RNF11: variants seen among roughly 807,000 people sequenced by gnomAD.
RNF11 encodes ring finger protein 11.
RNF11 carries 4 observed loss-of-function variants against 15.8 expected under a neutral mutation model. That is an observed-to-expected ratio of 0.25 (90% confidence interval 0.12 to 0.58). RNF11 has a LOEUF of 0.58. RNF11 is among the 20% of genes least tolerant of loss of function. The pLI is 0.91. For synonymous variants in RNF11, 68 were observed against 72.3 expected, an observed-to-expected ratio of 0.94 and a Z score of 0.30; for missense variants, 139 against 194.4, an observed-to-expected ratio of 0.71 and a Z score of 1.70.
chr1:51,258,498 C>T (rs1275909124), intron 1 of RNF11, among the ~76,000 whole-genome samples: 1 of 152,060 alleles, frequency 6.6e-6, no homozygotes, highest in African/African-American at 2.4e-5. Flanking sequence ...GAATGAGATA[C>T]TGGAATTAAG....
chr1:51,254,091 G>A (rs533633211), intron 1 of RNF11, among the ~76,000 whole-genome samples: 31 of 152,294 alleles, frequency 2.0e-4, no homozygotes, highest in South Asian at 2.1e-4. Context: ...CCACAATAAA[G>A]CATACCTCTT....
chr1:51,236,989 G>T (rs1646806645), intron 1 of RNF11, 110 bp downstream of exon 1: 4 of 1,391,400 alleles, frequency 2.9e-6, no homozygotes, highest in East Asian at 2.6e-5. Context: ...GGCCTGGGCG[G>T]CATTGACCCC....
At chr1:51,238,521 A>G (rs1459880174) in intron 1 of RNF11, among the ~76,000 whole-genome samples, 10 of 152,160 alleles carry the variant, frequency 6.6e-5, no homozygotes, top group Admixed American at 2.0e-4. Context: ...AAGCACCTAA[A>G]TGCTGAATTA....
chr1:51,261,868 A>G (rs1213539540), intron 1 of RNF11, among the ~76,000 whole-genome samples: 2 of 151,992 alleles, frequency 1.3e-5, no homozygotes, highest in Non-Finnish European at 2.9e-5. Flanking sequence ...TAAGATTTTT[A>G]AATAAAAATT....
Position 51,270,045 on chromosome 1 carries a change from T to A in RNF11, c.213T>A (p.Ala71=), listed in dbSNP as rs778086310. Residue 71 remains alanine, a synonymous_variant, in exon 2 of 3, where the codon GCT becomes GCA. Coordinates refer to ENST00000242719, the MANE Select transcript of RNF11 (RefSeq NM_014372.5). ...CTGAAGAGGAACAAATTAGGATAGC[T>A]CAAAGAATAGGTCTTATACAACATC... The part of the protein sequence containing the change: ...QLTEEEQIRI[A]QRIGLIQHLP... The A allele has an allele frequency of 1.9e-6, 3 of 1,613,732 alleles. No individual in the cohort carries two copies. In the South Asian group the frequency reaches 3.3e-5, roughly 18 times the overall value.
chr1:51,238,558 C>T (rs1646815577), intron 1 of RNF11, among the ~76,000 whole-genome samples: 1 of 152,166 alleles, frequency 6.6e-6, no homozygotes, highest in East Asian at 1.9e-4. Context: ...TTAGTATTTT[C>T]TGTATTTACA....
chr1:51,249,147 G>A (rs543291638), intron 1 of RNF11, among the ~76,000 whole-genome samples: 2 of 152,268 alleles, frequency 1.3e-5, no homozygotes, highest in South Asian at 4.1e-4. Flanking sequence ...TGAATTTAGA[G>A]GTCATTGAGT....
In RNF11 at chr1:51,236,691, C is replaced by T. The variant is rs1646804424; in HGVS notation, c.-66C>T. On this transcript the variant is annotated 5_prime_UTR_variant, in exon 1 of 3. Transcript: ENST00000242719. ...CCACCTCGCCAACCGAGGCGGACCG[C>T]GGAGTGTGCGAACGACCCCACCGCT... 6.3e-7 allele frequency: 1 copy of T among 1,595,780 alleles called. No individual in the cohort carries two copies. The highest frequency in any genetic ancestry group is 2.3e-5 in the East Asian group (1 of 43,864).
At chr1:51,251,044 C>T (rs1646875079) in intron 1 of RNF11, 5 of 1,528,224 alleles carry the variant, frequency 3.3e-6, no homozygotes, top group Non-Finnish European at 4.5e-6. Context: ...GTGGCCACCT[C>T]CTTGGAGCAC....
At chr1:51,257,803 A>AT (rs1646911279) in intron 1 of RNF11, among the ~76,000 whole-genome samples, 1 of 139,794 alleles carries the variant, frequency 7.2e-6, no homozygotes, top group African/African-American at 2.7e-5. Context: ...ATGGTATCTC[A>AT]TTGTGGTTTT....
At chr1:51,256,450 TTATC>T (rs1306372856) in intron 1 of RNF11, among the ~76,000 whole-genome samples, 12 of 152,254 alleles carry the variant, frequency 7.9e-5, no homozygotes, top group African/African-American at 1.7e-4. Context: ...ATACTGTAGT[TTATC>T]TATTTACCTA....
At chr1:51,244,654 G>A (rs764575923) in intron 1 of RNF11, among the ~76,000 whole-genome samples, 6 of 152,282 alleles carry the variant, frequency 3.9e-5, no homozygotes, top group South Asian at 2.1e-4. Flanking sequence ...GATTACAAGC[G>A]TGAGCCACCG....
At chr1:51,268,839 C>G (rs1163352073) in intron 1 of RNF11, among the ~76,000 whole-genome samples, 2 of 152,118 alleles carry the variant, frequency 1.3e-5, no homozygotes, top group African/African-American at 4.8e-5. Flanking sequence ...AAAGAGAAGC[C>G]AGAAAGCCAG....
At position 51,271,863 on chromosome 1, in the gene RNF11, T is replaced by A. The variant is rs1646980300; in HGVS notation, c.*541T>A. 1 of 152,980 alleles carries A rather than the reference T, an allele frequency of 6.5e-6. No homozygotes were observed. Among genetic ancestry groups the A allele is most frequent in the Admixed American group, 6.5e-5 (1 of 15,324 alleles). 9.5% of individuals were successfully genotyped at this position (152,980 alleles called of 1,614,324 possible). ...TGGAATTCATTGCCTTAGGTCTTTT[T>A]AAATAGTGTATTATTATCGTTGGGG... On this transcript the variant is annotated 3_prime_UTR_variant, in exon 3 of 3. Coordinates refer to ENST00000242719, the MANE Select transcript of RNF11 (RefSeq NM_014372.5).
chr1:51,266,242 T>C (rs1646954140), intron 1 of RNF11, among the ~76,000 whole-genome samples: 1 of 152,160 alleles, frequency 6.6e-6, no homozygotes, highest in Admixed American at 6.5e-5. Flanking sequence ...GTATATTTGG[T>C]TTGGTTTTGG....
At chr1:51,266,122 C>A (rs929765169) in intron 1 of RNF11, 6 of 152,102 alleles carry the variant, frequency 3.9e-5, no homozygotes, top group Non-Finnish European at 7.3e-5. Context: ...TAATTAAATA[C>A]CAGAGCAGAA....
intron 1 of RNF11, chr1:51,250,584 C>A: frequency 1.6e-6 from 1 of 606,288 alleles, no homozygotes; most frequent in South Asian, 2.3e-5. Context: ...CTTTATTTTC[C>A]TTGTCTAAAA....
At chr1:51,240,362 C>T (rs1265955304) in intron 1 of RNF11, among the ~76,000 whole-genome samples, 1 of 152,128 alleles carries the variant, frequency 6.6e-6, no homozygotes, top group East Asian at 1.9e-4. Context: ...CAAGTCTTTT[C>T]TCACTGCCCC....
intron 1 of RNF11, among the ~76,000 whole-genome samples, chr1:51,249,014 T>C (rs1646865399): frequency 6.6e-6 from 1 of 152,156 alleles, no homozygotes; most frequent in East Asian, 1.9e-4. Flanking sequence ...TTAAAGTATA[T>C]GGGAGGGTGT....
Sources: allele counts gnomAD v4.1 joint callset (sites outside exome capture counted in the v4.1 genomes callset), GRCh38; gene constraint gnomAD v4.1.1; transcripts MANE v1.5; gene names NCBI Gene and HGNC (gene_info 2026-07-23, HGNC 2026-07-21).